Variants in SNX24 observed in about 807,000 individuals in gnomAD.
SNX24 encodes the protein sorting nexin 24, also known as sorting nexin-24.
SNX24 carries 22 observed loss-of-function variants against 28.7 expected under a neutral mutation model. The ratio of observed to expected loss-of-function variants is 0.77; its 90% CI spans 0.55 to 1.10. The LOEUF (loss-of-function observed/expected upper bound fraction) is 1.10, where lower values mean the gene tolerates loss of function less well. Among genes scored for constraint, SNX24 ranks in the 50% least tolerant of loss-of-function variants. SNX24 has a pLI of 0.00. For missense variants in SNX24, 221 were observed against 201.1 expected (o/e 1.10, Z -0.60); for synonymous variants, 69 against 71.5 (o/e 0.96, Z 0.18).
chr5:122,966,201 C>T (rs549443997), intron 3 of SNX24, among the ~76,000 whole-genome samples: 1 of 152,284 alleles, frequency 6.6e-6, no homozygotes, highest in East Asian at 1.9e-4. Context: ...CATATTGTCC[C>T]TCTAATAGGA....
rs1020061557 is a variant in SNX24 at position 122,958,863 on chromosome 5, A to G, written c.249+12704A>G. Among the ~76,000 whole-genome samples, 3 of 152,014 alleles carry G rather than the reference A, an allele frequency of 2.0e-5. No individual in the cohort carries two copies. In the East Asian group the frequency reaches 5.8e-4, roughly 29 times the overall value. ...GCATGAGCCACCCCACCTGGCCAATATAGTCTTTTTAATATGCTGCTGAAT... is the reference window on the plus strand; with the variant it reads ...GCATGAGCCACCCCACCTGGCCAATGTAGTCTTTTTAATATGCTGCTGAAT... On this transcript the variant is annotated intron_variant, in intron 3 of 6. Coordinates refer to ENST00000261369, the MANE Select transcript of SNX24 (RefSeq NM_014035.4).
chr5:122,925,118 TTTCCTCCCCC>T (rs973393282), intron 1 of SNX24, among the ~76,000 whole-genome samples: 2 of 111,392 alleles, frequency 1.8e-5, no homozygotes, highest in African/African-American at 7.1e-5. Context: ...TCCCTTCCCC[TTTCCTCCCCC>T]TTCTCCATTC....
chr5:122,851,245 G>A (rs1233232179), intron 1 of SNX24, among the ~76,000 whole-genome samples: 1 of 151,966 alleles, frequency 6.6e-6, no homozygotes, highest in Non-Finnish European at 1.5e-5. Context: ...GCTTACTGCA[G>A]CCTCTGCCTC....
At chr5:122,997,624 C>G (rs1255041713) in intron 3 of SNX24, among the ~76,000 whole-genome samples, 1 of 152,136 alleles carries the variant, frequency 6.6e-6, no homozygotes, top group African/African-American at 2.4e-5. Flanking sequence ...ATTAATAAAC[C>G]TAAGTAACCC....
At chr5:123,018,308 T>C (rs1762715006) in intron 5 of SNX24, among the ~76,000 whole-genome samples, 1 of 152,106 alleles carries the variant, frequency 6.6e-6, no homozygotes, top group Non-Finnish European at 1.5e-5. Context: ...CTGGACAGTT[T>C]GTCAGAGTGC....
chr5:123,023,575 C>T (rs1762795442), intron 5 of SNX24: 1 of 193,778 alleles, frequency 5.2e-6, no homozygotes, highest in Non-Finnish European at 1.1e-5. Flanking sequence ...ATAATGAATT[C>T]AGAAAAAAAA....
chr5:122,874,310 G>A (rs969083223), intron 1 of SNX24, among the ~76,000 whole-genome samples: 2 of 152,190 alleles, frequency 1.3e-5, no homozygotes, highest in African/African-American at 2.4e-5. Context: ...CTCAGATTAC[G>A]TTTAGCTAAG....
chr5:122,885,592 G>A (rs1320555981), intron 1 of SNX24, among the ~76,000 whole-genome samples: 2 of 152,076 alleles, frequency 1.3e-5, no homozygotes, highest in Admixed American at 1.3e-4. Context: ...AATTTGGGGT[G>A]GAAAGGCCTA....
intron 1 of SNX24, among the ~76,000 whole-genome samples, chr5:122,868,972 A>G (rs940041326): frequency 2.6e-5 from 4 of 152,270 alleles, no homozygotes; most frequent in African/African-American, 9.6e-5. Flanking sequence ...CATTTTGTTC[A>G]GATAAATATA....
intron 1 of SNX24, among the ~76,000 whole-genome samples, chr5:122,876,610 T>G (rs567662868): frequency 4.7e-4 from 71 of 152,358 alleles, no homozygotes; most frequent in African/African-American, 1.5e-3. Flanking sequence ...CTACAGGCCA[T>G]TGACAACTAT....
At chr5:123,018,616 G>T (rs1195008203) in intron 5 of SNX24, among the ~76,000 whole-genome samples, 1 of 152,146 alleles carries the variant, frequency 6.6e-6, no homozygotes, top group African/African-American at 2.4e-5. Context: ...AATAGAAGGG[G>T]TTTTGGTAAT....
chr5:122,952,163 A>G (rs1172849890), intron 3 of SNX24, among the ~76,000 whole-genome samples: 2 of 152,196 alleles, frequency 1.3e-5, no homozygotes, highest in African/African-American at 2.4e-5. Context: ...GTATATGCAC[A>G]CATTCTATAA....
intron 1 of SNX24, among the ~76,000 whole-genome samples, chr5:122,875,186 G>T (rs547759943): frequency 6.6e-6 from 1 of 152,260 alleles, no homozygotes; most frequent in Admixed American, 6.5e-5. Flanking sequence ...ATTAGAATTT[G>T]ACCTAAGTTA....
At chr5:122,850,152 A>G (rs1274514718) in intron 1 of SNX24, among the ~76,000 whole-genome samples, 2 of 152,208 alleles carry the variant, frequency 1.3e-5, no homozygotes, top group African/African-American at 4.8e-5. Flanking sequence ...ACAAAATACA[A>G]TCAACTGGGT....
intron 2 of SNX24, among the ~76,000 whole-genome samples, chr5:122,937,313 G>T (rs1051445579): frequency 4.6e-5 from 7 of 152,070 alleles, no homozygotes; most frequent in African/African-American, 1.7e-4. Context: ...GTTAAAAGAG[G>T]CTCTTAGCCT....
At chr5:123,021,788 C>A (rs1456478809) in intron 5 of SNX24, among the ~76,000 whole-genome samples, 3 of 152,166 alleles carry the variant, frequency 2.0e-5, no homozygotes, top group African/African-American at 7.2e-5. Context: ...GCGCCCCTAT[C>A]CCGCTCCCCT....
intron 5 of SNX24, chr5:123,023,626 T>G (rs1762797613): frequency 2.7e-6 from 1 of 364,820 alleles, no homozygotes; most frequent in Non-Finnish European, 4.4e-6. Context: ...TTTTTTTTAG[T>G]TTTAAAATAG....
intron 5 of SNX24, chr5:123,023,842 G>A: frequency 7.2e-7 from 1 of 1,387,712 alleles, no homozygotes; most frequent in East Asian, 2.3e-5. Flanking sequence ...ACACACCCCT[G>A]CCAAAGCATA....
At chr5:123,001,852 G>A in intron 5 of SNX24, 88 bp from the exon 6 acceptor site, 2 of 1,061,132 alleles carry the variant, frequency 1.9e-6, no homozygotes, top group South Asian at 2.5e-5. Context: ...TCCCCGCACA[G>A]CAGTTTGATC....
Sources: gnomAD v4.1 joint callset for allele counts (sites outside exome capture counted in the v4.1 genomes callset) on GRCh38, gnomAD v4.1.1 for gene constraint, MANE v1.5 for transcripts, NCBI Gene and HGNC (gene_info 2026-07-23, HGNC 2026-07-21) for gene names.